The following WWOX variants were observed in gnomAD, a reference collection of about 807,000 sequenced individuals.
WWOX encodes WW domain containing oxidoreductase, also known as WW domain-containing oxidoreductase.
A neutral mutation model predicts 46.2 loss-of-function variants in WWOX; 69 were observed. The ratio of observed to expected loss-of-function variants is 1.49; its 90% CI spans 1.23 to 1.82. The LOEUF is 1.82. Among genes scored for constraint, WWOX ranks in the 40% most tolerant of loss-of-function variants. The pLI is 0.00. For missense variants in WWOX, 919 were observed against 542.6 expected, an observed-to-expected ratio of 1.69 and a Z score of -6.89; for synonymous variants, 359 against 202.6, an observed-to-expected ratio of 1.77 and a Z score of -6.56.
chr16:79,179,621 T>G (rs918443419), intron 8 of WWOX, among the ~76,000 whole-genome samples: 10 of 152,236 alleles, frequency 6.6e-5, no homozygotes, highest in African/African-American at 2.2e-4. Context: ...TGAGTGACCA[T>G]GTGGAGCAGA....
intron 8 of WWOX, among the ~76,000 whole-genome samples, chr16:78,777,500 A>T (rs1441704618): frequency 6.6e-6 from 1 of 152,202 alleles, no homozygotes; most frequent in Admixed American, 6.5e-5. Context: ...ACGTAGAAAG[A>T]CACCGTGCCT....
At chr16:78,118,154 C>T (rs2032904391) in intron 4 of WWOX, among the ~76,000 whole-genome samples, 1 of 151,678 alleles carries the variant, frequency 6.6e-6, no homozygotes, top group African/African-American at 2.4e-5. Flanking sequence ...TTTAGGGTTG[C>T]ACTAGAGCCA....
intron 8 of WWOX, chr16:78,550,684 C>T (rs1597252103): frequency 6.6e-6 from 1 of 152,176 alleles, no homozygotes; most frequent in Non-Finnish European, 1.5e-5. Flanking sequence ...AAATATCTTA[C>T]TCCTGGGCTG....
At chr16:78,308,658 C>G (rs1428900323) in intron 5 of WWOX, among the ~76,000 whole-genome samples, 3 of 152,240 alleles carry the variant, frequency 2.0e-5, no homozygotes, top group South Asian at 2.1e-4. Flanking sequence ...TTTCCTGATC[C>G]AGGAGAGATT....
chr16:78,317,579 G>A (rs2080380371), intron 5 of WWOX, among the ~76,000 whole-genome samples: 1 of 152,156 alleles, frequency 6.6e-6, no homozygotes, highest in African/African-American at 2.4e-5. Flanking sequence ...CTGAGAGTGT[G>A]TGACTGTGAG....
chr16:78,516,289 T>G (rs557975567), intron 8 of WWOX, among the ~76,000 whole-genome samples: 7 of 152,250 alleles, frequency 4.6e-5, no homozygotes, highest in Admixed American at 1.3e-4. Flanking sequence ...ACAAGAACAC[T>G]GTCCTGTTAT....
chr16:78,930,015 G>A (rs1456491313), intron 8 of WWOX, among the ~76,000 whole-genome samples: 1 of 152,080 alleles, frequency 6.6e-6, no homozygotes, highest in Non-Finnish European at 1.5e-5. Context: ...TAGCGAATGG[G>A]GTGGCAGGGA....
chr16:78,859,000 T>A (rs2052638364), intron 8 of WWOX, among the ~76,000 whole-genome samples: 1 of 79,872 alleles, frequency 1.3e-5, no homozygotes, highest in Non-Finnish European at 2.1e-5. Flanking sequence ...GTTTTGAAAT[T>A]TAAAAAAAAA....
At chr16:78,602,525 C>G (rs779941058) in intron 8 of WWOX, among the ~76,000 whole-genome samples, 2 of 152,180 alleles carry the variant, frequency 1.3e-5, no homozygotes, top group African/African-American at 4.8e-5. Flanking sequence ...AGCCACCACA[C>G]CCGGCCTCTT....
chr16:78,704,846 C>T (rs1023132221), intron 8 of WWOX, among the ~76,000 whole-genome samples: 4 of 151,878 alleles, frequency 2.6e-5, no homozygotes, highest in East Asian at 1.9e-4. Flanking sequence ...ATTGACATTA[C>T]GTGGCTTCTT....
intron 8 of WWOX, among the ~76,000 whole-genome samples, chr16:79,153,754 G>T (rs895252286): frequency 4.1e-5 from 6 of 146,666 alleles, no homozygotes; most frequent in East Asian, 1.9e-4. Context: ...TCTGTTTTTT[G>T]GGGGGGGTTT....
intron 8 of WWOX, among the ~76,000 whole-genome samples, chr16:79,061,521 A>G (rs995534667): frequency 6.6e-6 from 1 of 152,210 alleles, no homozygotes; most frequent in African/African-American, 2.4e-5. Context: ...CCATTCAACA[A>G]TTAGAAGCTG....
At chr16:78,568,766 C>T (rs908628643) in intron 8 of WWOX, among the ~76,000 whole-genome samples, 21 of 152,158 alleles carry the variant, frequency 1.4e-4, no homozygotes, top group East Asian at 5.8e-4. Context: ...TGAGCCACAG[C>T]GTCCAGCCCC....
chr16:78,412,532 A>AT (rs1485033043), intron 6 of WWOX, among the ~76,000 whole-genome samples: 1 of 152,162 alleles, frequency 6.6e-6, no homozygotes, highest in Non-Finnish European at 1.5e-5. Context: ...TGATGGAACA[A>AT]TGGGCAAAAG....
At chr16:78,334,606 G>C (rs761263833) in intron 5 of WWOX, among the ~76,000 whole-genome samples, 1 of 151,962 alleles carries the variant, frequency 6.6e-6, no homozygotes, top group African/African-American at 2.4e-5. Flanking sequence ...ACAGAACATA[G>C]AGTTGTGTAT....
intron 8 of WWOX, among the ~76,000 whole-genome samples, chr16:78,676,146 G>GTTCA (rs2047593916): frequency 6.6e-6 from 1 of 151,904 alleles, no homozygotes; most frequent in Non-Finnish European, 1.5e-5. Flanking sequence ...GCCCCCAAGG[G>GTTCA]TTCAAATTCC....
At position 78,159,671 on chromosome 16, in the gene WWOX, G is replaced by GTTT. The variant is rs1343670783; in HGVS notation, c.410-4512_410-4511insTTT. Among the ~76,000 whole-genome samples, 56 of 84,586 alleles carry GTTT rather than the reference G, an allele frequency of 6.6e-4. 1 individual carries two copies. Among genetic ancestry groups the GTTT allele is most frequent in the Admixed American group, 9.6e-4 (7 of 7,272 alleles). The allele number at this position is 84,586 out of a possible 152,430, so 55.5% of individuals were successfully genotyped here. On this transcript the variant is annotated intron_variant, in intron 4 of 8. Transcript: ENST00000566780. ...TCCTTTGCTTGTTTTTAAAATCTGT[G>GTTT]GTTTTTTTTTTTTTTTTTTTTTTTG...
At chr16:78,251,666 C>T (rs562867109) in intron 5 of WWOX, among the ~76,000 whole-genome samples, 150 of 152,230 alleles carry the variant, frequency 9.9e-4, no homozygotes, top group African/African-American at 3.2e-3. Context: ...CGCTGAACCC[C>T]GATGCTTTGG....
chr16:78,668,095 A>G (rs571176974), intron 8 of WWOX, among the ~76,000 whole-genome samples: 359 of 152,278 alleles, frequency 2.4e-3, no homozygotes, highest in African/African-American at 8.2e-3. Flanking sequence ...CCTGGCCACC[A>G]TGGTGAAGCC....
Sources: gnomAD v4.1 joint callset for allele counts (sites outside exome capture counted in the v4.1 genomes callset) on GRCh38, gnomAD v4.1.1 for gene constraint, MANE v1.5 for transcripts, NCBI Gene and HGNC (gene_info 2026-07-23, HGNC 2026-07-21) for gene names.